OSBPL10: variants seen among roughly 807,000 people sequenced by gnomAD.
OSBPL10 encodes oxysterol binding protein like 10.
In OSBPL10, 49 loss-of-function variants were observed where a neutral mutation model predicts 81.7. The ratio of observed to expected loss-of-function variants is 0.60; its 90% CI spans 0.48 to 0.76. OSBPL10 has a LOEUF of 0.76. OSBPL10 is among the 30% of genes least tolerant of loss of function. The pLI, the probability that OSBPL10 is intolerant of heterozygous loss-of-function variation, is 0.00. For missense variants in OSBPL10, 923 were observed against 987.8 expected (o/e 0.93, Z 0.88); for synonymous variants, 419 against 383.6 (o/e 1.09, Z -1.08).
intron 2 of OSBPL10, among the ~76,000 whole-genome samples, chr3:32,041,338 G>T (rs113622140): frequency 6.6e-6 from 1 of 152,178 alleles, no homozygotes; most frequent in African/African-American, 2.4e-5. Context: ...GGTACTTGCC[G>T]CAAAGCAGTA....
intron 5 of OSBPL10, among the ~76,000 whole-genome samples, chr3:31,744,278 C>T (rs182208292): frequency 3.3e-4 from 50 of 152,206 alleles, no homozygotes; most frequent in Middle Eastern, 6.8e-3. Flanking sequence ...CGGTGGCTCA[C>T]GCCTATAATC....
At chr3:31,796,677 C>T (rs1699221723) in intron 4 of OSBPL10, among the ~76,000 whole-genome samples, 1 of 152,178 alleles carries the variant, frequency 6.6e-6, no homozygotes. Flanking sequence ...TCCACGGCCT[C>T]TACCACTAGA....
chr3:31,763,366 A>G (rs1273888127), intron 4 of OSBPL10, among the ~76,000 whole-genome samples: 2 of 152,236 alleles, frequency 1.3e-5, no homozygotes, highest in Non-Finnish European at 2.9e-5. Context: ...ACGTAACCTT[A>G]CAAACTAAGG....
Position 32,044,733 on chromosome 3 carries a change from C to G in OSBPL10, n.298+1758G>C, listed in dbSNP as rs12172935. 7.3e-3 allele frequency among the ~76,000 whole-genome samples: 693 copies of G among 94,688 alleles called. 16 individuals are homozygous for G. The East Asian group carries it at 0.12, about 16-fold the overall frequency. 62.1% of individuals were successfully genotyped at this position (94,688 alleles called of 152,430 possible). ...TCCAGCCTGGGCAACAAGAGCGAAA[C>G]TCCATCTCAAAAAAAAAAAAAAAAA... On this transcript the variant is annotated intron_variant and non_coding_transcript_variant, in intron 2 of 3. Transcript: ENST00000479173.
rs73061467 is a variant in OSBPL10, at chr3:31,911,153, C to T, written c.282-31323G>A. Among the ~76,000 whole-genome samples the T allele has an allele frequency of 4.8e-3, 726 of 152,236 alleles. 1 individual carries two copies. The highest frequency in any genetic ancestry group is 8.7e-3 in the Non-Finnish European group (592 of 68,020). Reference sequence around the variant, plus strand: ...CAGGGCCAGGGGTGCTCAGGGCCTACAGAGTTGCCAAACTTTTTCTGGAAA... The same window carrying T: ...CAGGGCCAGGGGTGCTCAGGGCCTATAGAGTTGCCAAACTTTTTCTGGAAA... On this transcript the variant is annotated intron_variant, in intron 1 of 11. Transcript: ENST00000396556.
intron 4 of OSBPL10, among the ~76,000 whole-genome samples, chr3:31,778,937 C>T (rs578071453): frequency 3.9e-5 from 6 of 152,128 alleles, no homozygotes; most frequent in Non-Finnish European, 5.9e-5. Flanking sequence ...AAAATAATTC[C>T]GAGCCAAGAA....
chr3:31,939,965 C>T (rs111394456), intron 1 of OSBPL10, among the ~76,000 whole-genome samples: 9 of 152,226 alleles, frequency 5.9e-5, no homozygotes, highest in African/African-American at 1.4e-4. Flanking sequence ...AAGCAATCCT[C>T]CTACCTCGGC....
chr3:31,901,009 A>C (rs1389330469), intron 1 of OSBPL10, among the ~76,000 whole-genome samples: 1 of 152,182 alleles, frequency 6.6e-6, no homozygotes, highest in Non-Finnish European at 1.5e-5. Flanking sequence ...TATCTCTGCA[A>C]CTCTACTGTA....
rs879851574 is a variant in OSBPL10 at position 31,780,835 on chromosome 3, C to A, written c.730-32715G>T. 3.2e-3 allele frequency among the ~76,000 whole-genome samples: 481 copies of A among 150,564 alleles called. 1 individual carries two copies. The highest frequency in any genetic ancestry group is 0.014 in the Middle Eastern group (4 of 292). On this transcript the variant is annotated intron_variant, in intron 4 of 11. Coordinates refer to ENST00000396556, the MANE Select transcript of OSBPL10 (RefSeq NM_017784.5). Reference sequence around the variant, plus strand: ...GTAACTTAAAAATTGCCCCCCACCCCCCCAAAAAACAGTCTAGGACTAGGT... The same window carrying A: ...GTAACTTAAAAATTGCCCCCCACCCACCCAAAAAACAGTCTAGGACTAGGT...
rs79615891 is a variant in OSBPL10 at position 31,951,070 on chromosome 3, G to A, written c.281+29829C>T. Reference sequence around the variant, plus strand: ...ATCAACATCACAAGGAAATTCTTGCGTGTGTGTACTGGGAGATACATACTA... The same window carrying A: ...ATCAACATCACAAGGAAATTCTTGCATGTGTGTACTGGGAGATACATACTA... On this transcript the variant is annotated intron_variant, in intron 1 of 11. Transcript: ENST00000396556. Among the ~76,000 whole-genome samples, 3,016 of 152,234 alleles carry A rather than the reference G, an allele frequency of 0.02. 176 individuals are homozygous for A. The East Asian group carries it at 0.22, about 11-fold the overall frequency.
intron 3 of OSBPL10, among the ~76,000 whole-genome samples, chr3:31,870,573 G>A (rs1280952966): frequency 6.6e-6 from 1 of 152,264 alleles, no homozygotes; most frequent in Non-Finnish European, 1.5e-5. Flanking sequence ...AAGCCAGCTG[G>A]GCTTCTGAGT....
At chr3:31,929,522 T>A (rs10780018) in intron 1 of OSBPL10, among the ~76,000 whole-genome samples, 4 of 151,476 alleles carry the variant, frequency 2.6e-5, no homozygotes, top group Non-Finnish European at 5.9e-5. Flanking sequence ...CCGAGGCAGG[T>A]GGATCACAAG....
intron 8 of OSBPL10, among the ~76,000 whole-genome samples, chr3:31,678,299 G>A (rs1700540543): frequency 6.6e-6 from 1 of 152,166 alleles, no homozygotes; most frequent in South Asian, 2.1e-4. Context: ...CAAGGGTGCA[G>A]GGAAGCAGAG....
At chr3:31,685,326 C>G (rs576982205) in intron 7 of OSBPL10, among the ~76,000 whole-genome samples, 1 of 152,322 alleles carries the variant, frequency 6.6e-6, no homozygotes, top group African/African-American at 2.4e-5. Context: ...CCTCAGTCTC[C>G]TGAGTAGCTG....
intron 1 of OSBPL10, among the ~76,000 whole-genome samples, chr3:32,073,434 C>A (rs1475838376): frequency 1.3e-5 from 2 of 152,182 alleles, no homozygotes; most frequent in Non-Finnish European, 2.9e-5. Flanking sequence ...GCAGGACCCT[C>A]CCCATTGGGT....
chr3:31,753,995 C>T (rs1365411020), intron 4 of OSBPL10, among the ~76,000 whole-genome samples: 1 of 152,174 alleles, frequency 6.6e-6, no homozygotes, highest in Non-Finnish European at 1.5e-5. Context: ...CTTCTCCAAA[C>T]ATCTGAGTGT....
chr3:32,036,408 G>T (rs754422224), intron 2 of OSBPL10, among the ~76,000 whole-genome samples: 1 of 152,126 alleles, frequency 6.6e-6, no homozygotes, highest in Non-Finnish European at 1.5e-5. Context: ...AATTGCCACT[G>T]CCCAGGTGGC....
intron 1 of OSBPL10, among the ~76,000 whole-genome samples, chr3:31,974,590 A>G (rs570595500): frequency 1.6e-4 from 25 of 152,340 alleles, no homozygotes; most frequent in Non-Finnish European, 2.9e-4. Context: ...ACACAGAAAC[A>G]TGCGTAAGCC....
At chr3:31,725,439 A>G (rs761357330) in intron 6 of OSBPL10, among the ~76,000 whole-genome samples, 3 of 152,218 alleles carry the variant, frequency 2.0e-5, no homozygotes, top group African/African-American at 4.8e-5. Flanking sequence ...AACCCGGATG[A>G]TCAAATCATT....
Sources: allele counts gnomAD v4.1 joint callset (sites outside exome capture counted in the v4.1 genomes callset), GRCh38; gene constraint gnomAD v4.1.1; transcripts MANE v1.5; gene names NCBI Gene and HGNC (gene_info 2026-07-23, HGNC 2026-07-21).